The following SEZ6L variants were observed in gnomAD, a reference collection of about 807,000 sequenced individuals.
SEZ6L encodes seizure related 6 homolog like, also known as seizure 6-like protein.
A neutral mutation model predicts 106.2 loss-of-function variants in SEZ6L; 37 were observed. The ratio of observed to expected loss-of-function variants is 0.35; its 90% CI spans 0.27 to 0.46. SEZ6L has a LOEUF of 0.46. Ranked by LOEUF, SEZ6L falls within the 20% of genes least tolerant of loss-of-function variation. The pLI is 1.00. For synonymous variants in SEZ6L, 541 were observed against 570.4 expected, an observed-to-expected ratio of 0.95 and a Z score of 0.73; for missense variants, 1,172 against 1,332.8, an observed-to-expected ratio of 0.88 and a Z score of 1.88.
At chr22:26,212,431 A>T (rs1448120567) in intron 1 of SEZ6L, among the ~76,000 whole-genome samples, 1 of 152,074 alleles carries the variant, frequency 6.6e-6, no homozygotes, top group African/African-American at 2.4e-5. Context: ...TTTTAAAAAA[A>T]TTTTTTTCTG....
At position 26,178,264 on chromosome 22, in the gene SEZ6L, C is replaced by T. The variant is rs537633859; in HGVS notation, c.94+8501C>T. On this transcript the variant is annotated intron_variant, in intron 1 of 16. Coordinates refer to ENST00000248933, the MANE Select transcript of SEZ6L (RefSeq NM_021115.5). ...CAAGGCACCAGCAGATAAGCTTGCA[C>T]CGGGGAATGGTGCCATCCAAGCATC... is the stretch of plus-strand genomic sequence containing the variant. 5.9e-5 allele frequency among the ~76,000 whole-genome samples: 9 copies of T among 152,268 alleles called. No individual in the cohort carries two copies. The South Asian group carries it at 1.2e-3, about 21-fold the overall frequency.
chr22:26,341,549 C>A (rs1203359733), intron 10 of SEZ6L, among the ~76,000 whole-genome samples: 1 of 152,160 alleles, frequency 6.6e-6, no homozygotes, highest in Non-Finnish European at 1.5e-5. Flanking sequence ...TTGACCGGTT[C>A]ATACTTACAA....
At chr22:26,310,131 T>C (rs2081770565) in intron 6 of SEZ6L, among the ~76,000 whole-genome samples, 1 of 152,194 alleles carries the variant, frequency 6.6e-6, no homozygotes, top group African/African-American at 2.4e-5. Flanking sequence ...TATACATTAC[T>C]CTCCCTACAA....
At chr22:26,214,670 A>G (rs967678815) in intron 1 of SEZ6L, among the ~76,000 whole-genome samples, 32 of 152,298 alleles carry the variant, frequency 2.1e-4, no homozygotes, top group Non-Finnish European at 4.1e-4. Context: ...TTTTTTTCAG[A>G]AGCTTCAACA....
At chr22:26,294,888 T>TCTTTCTTG (rs1254650303) in intron 3 of SEZ6L, among the ~76,000 whole-genome samples, 2 of 140,752 alleles carry the variant, frequency 1.4e-5, no homozygotes, top group Non-Finnish European at 1.6e-5. Flanking sequence ...TTTCTTTCTT[T>TCTTTCTTG]CTTGCTTGCT....
In SEZ6L at chr22:26,293,057, A is replaced by G. The variant is rs2081188972; in HGVS notation, c.746A>G (p.Glu249Gly). 1.9e-6 allele frequency: 3 copies of G among 1,613,724 alleles called. No individual in the cohort carries two copies. The African/African-American group carries it at 4.0e-5, about 22-fold the overall frequency. Residue 249 changes from glutamate to glycine, a missense_variant, in exon 2 of 17, where the codon GAG (glutamate) becomes GGG (glycine). By Grantham distance (98) the Glu-to-Gly change is moderately conservative. Around this residue, in one of 4 missense-constraint regions of SEZ6L, gnomAD observed 494 missense variants for 445.8 expected, o/e 1.11. Transcript: ENST00000248933. ...PMALMDKGENELTGSASEESQ... is the reference protein window; with the variant it reads ...PMALMDKGENGLTGSASEESQ... ...GCCCTGATGGACAAAGGTGAGAATG[A>G]GCTGACTGGGTCAGCCTCAGAGGAG... is the stretch of plus-strand genomic sequence containing the variant.
intron 1 of SEZ6L, among the ~76,000 whole-genome samples, chr22:26,171,758 A>G (rs190098575): frequency 1.3e-5 from 2 of 152,338 alleles, no homozygotes; most frequent in East Asian, 3.9e-4. Context: ...AAGCTCATTA[A>G]TAAGTGTGTG....
At chr22:26,235,943 G>A (rs771880615) in intron 1 of SEZ6L, among the ~76,000 whole-genome samples, 3 of 152,240 alleles carry the variant, frequency 2.0e-5, no homozygotes, top group Non-Finnish European at 4.4e-5. Flanking sequence ...GAAGCTGCAT[G>A]AGTCACTGGG....
At chr22:26,356,648 TAATAA>T (rs2083444645) in intron 12 of SEZ6L, among the ~76,000 whole-genome samples, 1 of 2,198 alleles carries the variant, frequency 4.5e-4, no homozygotes, top group Admixed American at 4.0e-3. Flanking sequence ...TCTCAAATAA[TAATAA>T]TAATAATAAT....
intron 1 of SEZ6L, among the ~76,000 whole-genome samples, chr22:26,202,044 G>A (rs1390202200): frequency 6.6e-6 from 1 of 152,020 alleles, no homozygotes; most frequent in South Asian, 2.1e-4. Context: ...CTCCCAAGTA[G>A]CTGGGACTAC....
At chr22:26,299,889 G>A (rs1385800155) in intron 5 of SEZ6L, among the ~76,000 whole-genome samples, 2 of 152,220 alleles carry the variant, frequency 1.3e-5, no homozygotes, top group African/African-American at 4.8e-5. Context: ...ATAACTTTTT[G>A]AGGAACCATC....
intron 9 of SEZ6L, among the ~76,000 whole-genome samples, chr22:26,330,539 G>A (rs1332655980): frequency 6.6e-6 from 1 of 152,194 alleles, no homozygotes; most frequent in Non-Finnish European, 1.5e-5. Context: ...ATGAGCTAAG[G>A]CATGAAAGAT....
At chr22:26,280,467 CCT>C (rs1329992876) in intron 1 of SEZ6L, among the ~76,000 whole-genome samples, 2 of 152,104 alleles carry the variant, frequency 1.3e-5, no homozygotes, top group African/African-American at 4.8e-5. Context: ...GTTTTATCTC[CCT>C]GTTTTTGCAC....
intron 1 of SEZ6L, among the ~76,000 whole-genome samples, chr22:26,209,888 G>GGAGAGAGGAAGGAAGGAAAGAAGA: frequency 6.8e-6 from 1 of 147,118 alleles, no homozygotes; most frequent in African/African-American, 2.5e-5. Context: ...AGGAAAGAAG[G>GGAGAGAGGAAGGAAGGAAAGAAGA]GAGAGAGGAA....
At chr22:26,306,397 G>A (rs951695769) in intron 6 of SEZ6L, among the ~76,000 whole-genome samples, 1 of 152,186 alleles carries the variant, frequency 6.6e-6, no homozygotes, top group Non-Finnish European at 1.5e-5. Context: ...GAGGCAAAAA[G>A]GGAACTGCCC....
At chr22:26,257,812 A>G (rs965002222) in intron 1 of SEZ6L, among the ~76,000 whole-genome samples, 8 of 152,218 alleles carry the variant, frequency 5.3e-5, no homozygotes, top group Admixed American at 2.0e-4. Flanking sequence ...GGAGAAGAAC[A>G]GGCATTTAAC....
Position 26,169,667 on chromosome 22 carries a change from A to T in SEZ6L, c.-3A>T, listed in dbSNP as rs1938432270. ...CAGCGGCTCCGCGCCCCCTGCAGCC[A>T]CGATGCCCGCGGCCCGGCCGCCCGC... On this transcript the variant is annotated 5_prime_UTR_variant, in exon 1 of 17. Coordinates refer to ENST00000248933, the MANE Select transcript of SEZ6L (RefSeq NM_021115.5). 2 of 1,281,918 alleles carry T rather than the reference A, an allele frequency of 1.6e-6. No homozygotes were observed. The highest frequency in any genetic ancestry group is 2.0e-6 in the Non-Finnish European group (2 of 997,032). 79.4% of individuals were successfully genotyped at this position (1,281,918 alleles called of 1,614,324 possible). A position where few individuals can be genotyped will look rare whatever the true frequency, so the allele number is the denominator to read the frequency against.
At chr22:26,271,769 C>G (rs980482935) in intron 1 of SEZ6L, among the ~76,000 whole-genome samples, 10 of 152,196 alleles carry the variant, frequency 6.6e-5, no homozygotes, top group Non-Finnish European at 1.5e-4. Flanking sequence ...GCCTGTGGAA[C>G]CGTGAGCCAA....
At chr22:26,215,571 G>T (rs887624814) in intron 1 of SEZ6L, among the ~76,000 whole-genome samples, 1 of 152,094 alleles carries the variant, frequency 6.6e-6, no homozygotes, top group Non-Finnish European at 1.5e-5. Context: ...AAAAGAAAAG[G>T]CTCAATCCAT....
Sources: gnomAD v4.1 joint callset for allele counts (sites outside exome capture counted in the v4.1 genomes callset) on GRCh38, gnomAD v4.1.1 for gene constraint, gnomAD v4.1.1 regional missense constraint, MANE v1.5 for transcripts, NCBI Gene and HGNC (gene_info 2026-07-23, HGNC 2026-07-21) for gene names.